The following OTOGL variants were observed in gnomAD, a reference collection of about 807,000 sequenced individuals.
The protein encoded by OTOGL is otogelin-like protein.
In OTOGL, 285 loss-of-function variants were observed where a neutral mutation model predicts 318.5. That is an observed-to-expected ratio of 0.89 (90% CI 0.81 to 0.99). The LOEUF (loss-of-function observed/expected upper bound fraction) is 0.99. Among genes scored for constraint, OTOGL ranks in the 50% least tolerant of loss-of-function variants. The pLI is 0.00. For missense variants in OTOGL, 2,899 were observed against 2,845.6 expected, an observed-to-expected ratio of 1.02 and a Z score of -0.43; for synonymous variants, 987 against 936.5, an observed-to-expected ratio of 1.05 and a Z score of -0.99.
intron 1 of OTOGL, among the ~76,000 whole-genome samples, chr12:80,201,540 C>T (rs934719893): frequency 6.6e-6 from 1 of 152,126 alleles, no homozygotes; most frequent in Non-Finnish European, 1.5e-5. Context: ...TCTGACTAGG[C>T]CCTGCATCCA....
At chr12:80,333,111 C>T in intron 38 of OTOGL, 33 bp downstream of exon 38, 1 of 1,520,144 alleles carries the variant, frequency 6.6e-7, no homozygotes, top group Non-Finnish European at 9.0e-7. Flanking sequence ...AGCTCTTTGT[C>T]ATTTCCATAT....
intron 44 of OTOGL, among the ~76,000 whole-genome samples, chr12:80,350,870 T>C (rs956133278): frequency 2.6e-5 from 4 of 152,204 alleles, no homozygotes; most frequent in Non-Finnish European, 5.9e-5. Context: ...TTTACTACAT[T>C]GATTGTTTAC....
chr12:80,210,951 C>T, intron 3 of OTOGL, 65 bp downstream of exon 3: 3 of 1,118,422 alleles, frequency 2.7e-6, no homozygotes, highest in Non-Finnish European at 3.6e-6. Context: ...CAAACCTCAG[C>T]AGGCAACTAT....
intron 7 of OTOGL, 68 bp downstream of exon 7, chr12:80,222,313 C>G: frequency 7.2e-7 from 1 of 1,385,422 alleles, no homozygotes; most frequent in Non-Finnish European, 9.6e-7. Context: ...TTTTAAAGTA[C>G]TGGGAAAATG....
chr12:80,294,376 A>G (rs1885244653), intron 26 of OTOGL, among the ~76,000 whole-genome samples: 1 of 152,162 alleles, frequency 6.6e-6, no homozygotes, highest in South Asian at 2.1e-4. Context: ...TAATGGCAAT[A>G]AAAAGCCTTT....
At chr12:80,271,035 G>C (rs1006595250) in intron 23 of OTOGL, among the ~76,000 whole-genome samples, 2 of 152,094 alleles carry the variant, frequency 1.3e-5, no homozygotes, top group African/African-American at 4.8e-5. Flanking sequence ...CAAGCCTAGG[G>C]CTTCTTTACA....
rs1201449989 is a variant in OTOGL, at chr12:80,266,553, C to T, written c.2327C>T (p.Ala776Val). The T allele has an allele frequency of 6.2e-7, 1 of 1,613,526 alleles. No individual in the cohort carries two copies. Among genetic ancestry groups the T allele is most frequent in the South Asian group, 1.1e-5 (1 of 91,052 alleles). Residue 776 changes from alanine to valine, a missense_variant, in exon 21 of 59, where the codon GCT (alanine) becomes GTT (valine). Around this residue, in one of 3 missense-constraint regions of OTOGL, gnomAD observed 2,607 missense variants for 2,524.9 expected, o/e 1.03. Coordinates refer to ENST00000547103, the MANE Select transcript of OTOGL (RefSeq NM_001378609.3). ...CCGGAGCAGTGCAGTGATGACTGTG[C>T]TGAAGGCTGTAATTGTCCGGAAGGC... ...SSPEQCSDDC[A>V]EGCNCPEGKF...
chr12:80,179,228 A>C (rs1244825400), intron 1 of OTOGL, among the ~76,000 whole-genome samples: 2 of 152,190 alleles, frequency 1.3e-5, no homozygotes. Flanking sequence ...GGACAGGAGA[A>C]GGGCAAATGG....
chr12:80,372,271 G>T (rs1460035125), intron 57 of OTOGL, among the ~76,000 whole-genome samples: 1 of 151,944 alleles, frequency 6.6e-6, no homozygotes, highest in Non-Finnish European at 1.5e-5. Context: ...GTATCATATG[G>T]TTAATAATTT....
chr12:80,367,507 T>C, intron 53 of OTOGL, 54 bp from the exon 54 acceptor site: 1 of 1,307,050 alleles, frequency 7.7e-7, no homozygotes, highest in Non-Finnish European at 1.0e-6. Flanking sequence ...CAACGATGGA[T>C]TAGTACAAAA....
rs72567485 is a variant in OTOGL, at chr12:80,349,105, T to TG, written c.5266-3190_5266-3189insG. On this transcript the variant is annotated intron_variant, in intron 44 of 58. Transcript: ENST00000547103. Reference sequence around the variant, plus strand: ...AAGTAGAGAAGGGATACTTTTTTTTTTATTTTGGACAGATTAAATCGTGTG... The same window carrying TG: ...AAGTAGAGAAGGGATACTTTTTTTTTGTATTTTGGACAGATTAAATCGTGTG... 5.5e-3 allele frequency among the ~76,000 whole-genome samples: 838 copies of TG among 151,600 alleles called. 8 individuals are homozygous for TG. Among genetic ancestry groups the TG allele is most frequent in the African/African-American group, 0.02 (813 of 41,310 alleles).
At chr12:80,148,857 G>T (rs1171292330) in intron 1 of OTOGL, among the ~76,000 whole-genome samples, 2 of 152,086 alleles carry the variant, frequency 1.3e-5, no homozygotes, top group African/African-American at 4.8e-5. Context: ...AGCTCCTGAG[G>T]CTTCTGCATT....
intron 1 of OTOGL, among the ~76,000 whole-genome samples, chr12:80,150,570 G>A (rs1260089095): frequency 1.3e-5 from 2 of 150,886 alleles, no homozygotes; most frequent in African/African-American, 5.0e-5. Flanking sequence ...TACTGGAGAA[G>A]GGAAGACCTG....
At chr12:80,357,742 A>G (rs1889997923) in intron 49 of OTOGL, among the ~76,000 whole-genome samples, 1 of 152,166 alleles carries the variant, frequency 6.6e-6, no homozygotes, top group Non-Finnish European at 1.5e-5. Flanking sequence ...GATTACTCCT[A>G]TGTGGGTTGT....
At position 80,338,505 on chromosome 12, in the gene OTOGL, T is replaced by G. The variant is rs1888548193; in HGVS notation, c.4861-570T>G. Reference sequence around the variant, plus strand: ...AGCACCGTTTTTCAAAGTACAATCCTTGGATTGCCTACATTAGTATTACCA... The same window carrying G: ...AGCACCGTTTTTCAAAGTACAATCCGTGGATTGCCTACATTAGTATTACCA... On this transcript the variant is annotated intron_variant, in intron 42 of 58. Transcript: ENST00000547103. Among the ~76,000 whole-genome samples the G allele has an allele frequency of 2.6e-5, 4 of 152,086 alleles. No individual in the cohort carries two copies. The South Asian group carries it at 8.3e-4, about 32-fold the overall frequency.
intron 11 of OTOGL, among the ~76,000 whole-genome samples, chr12:80,241,604 TA>T (rs1238329839): frequency 6.6e-6 from 1 of 152,196 alleles, no homozygotes; most frequent in Non-Finnish European, 1.5e-5. Flanking sequence ...GCCTTATCTT[TA>T]ATATCTTTAG....
intron 1 of OTOGL, among the ~76,000 whole-genome samples, chr12:80,127,888 C>T (rs1001308269): frequency 2.6e-5 from 4 of 152,176 alleles, no homozygotes; most frequent in African/African-American, 4.8e-5. Flanking sequence ...TTTTTAGCTC[C>T]ATCAGGTCCT....
At chr12:80,283,834 C>T (rs1485571226) in intron 26 of OTOGL, among the ~76,000 whole-genome samples, 1 of 151,926 alleles carries the variant, frequency 6.6e-6, no homozygotes, top group Admixed American at 6.6e-5. Context: ...TTTCATAGGA[C>T]TGTAGTAGGG....
At chr12:80,174,337 GA>G (rs1874392841) in intron 1 of OTOGL, among the ~76,000 whole-genome samples, 1 of 152,082 alleles carries the variant, frequency 6.6e-6, no homozygotes. Context: ...CATAGTTTTC[GA>G]AACAGAATTT....
Sources: gnomAD v4.1 joint callset for allele counts (sites outside exome capture counted in the v4.1 genomes callset) on GRCh38, gnomAD v4.1.1 for gene constraint, gnomAD v4.1.1 regional missense constraint, MANE v1.5 for transcripts, NCBI Gene and HGNC (gene_info 2026-07-23, HGNC 2026-07-21) for gene names.